The following NTN1 variants were observed in gnomAD, a reference collection of about 807,000 sequenced individuals.
NTN1 encodes netrin 1.
A neutral mutation model predicts 54.2 loss-of-function variants in NTN1; 11 were observed. The observed-to-expected ratio is 0.20, with a 90% CI of 0.13 to 0.34. The LOEUF (loss-of-function observed/expected upper bound fraction) is 0.34. Ranked by LOEUF, NTN1 falls within the 10% of genes least tolerant of loss-of-function variation. NTN1 has a pLI of 1.00. For missense variants in NTN1, 740 were observed against 893.1 expected, an observed-to-expected ratio of 0.83 and a Z score of 2.18; for synonymous variants, 371 against 382.0, an observed-to-expected ratio of 0.97 and a Z score of 0.33.
At chr17:9,236,731 T>C (rs570063144) in intron 6 of NTN1, among the ~76,000 whole-genome samples, 1 of 152,308 alleles carries the variant, frequency 6.6e-6, no homozygotes, top group East Asian at 1.9e-4. Context: ...GGCAGCAAGG[T>C]GTCCAGAGGA....
chr17:9,074,855 C>A (rs1245567031), intron 2 of NTN1, among the ~76,000 whole-genome samples: 4 of 152,194 alleles, frequency 2.6e-5, no homozygotes, highest in Non-Finnish European at 5.9e-5. Context: ...GGGCAATTCT[C>A]AAAGGCAAGT....
rs1350513968 is a variant in NTN1 at position 9,063,781 on chromosome 17, C to A, written c.1018+40390C>A. On this transcript the variant is annotated intron_variant, in intron 2 of 6. Coordinates refer to ENST00000173229, the MANE Select transcript of NTN1 (RefSeq NM_004822.3). ...GCCAGGATGGTCTCGATCTCCTGAC[C>A]TCGTGATCCGCCCGCCTCGGCCTCC... is the stretch of plus-strand genomic sequence containing the variant. Among the ~76,000 whole-genome samples, 4 of 152,070 alleles carry A rather than the reference C, an allele frequency of 2.6e-5. No individual in the cohort carries two copies. The South Asian group carries it at 8.3e-4, about 32-fold the overall frequency.
At chr17:9,180,742 A>G (rs2092416570) in intron 4 of NTN1, among the ~76,000 whole-genome samples, 2 of 152,154 alleles carry the variant, frequency 1.3e-5, no homozygotes, top group South Asian at 4.1e-4. Context: ...GAAGGATGAT[A>G]GCAACCCTGA....
chr17:9,083,791 C>T (rs567241492), intron 2 of NTN1, among the ~76,000 whole-genome samples: 9 of 152,322 alleles, frequency 5.9e-5, no homozygotes, highest in South Asian at 2.1e-4. Context: ...GTTCTACCTC[C>T]GGACCTTCAG....
At chr17:9,183,348 T>C (rs951276653) in intron 5 of NTN1, 9 of 516,896 alleles carry the variant, frequency 1.7e-5, no homozygotes, top group Admixed American at 1.4e-4. Flanking sequence ...GAAGGAGGCT[T>C]GGGCACAGGG....
chr17:9,088,622 A>C (rs779002738), intron 2 of NTN1, among the ~76,000 whole-genome samples: 1 of 152,160 alleles, frequency 6.6e-6, no homozygotes, highest in Non-Finnish European at 1.5e-5. Flanking sequence ...CTGAGACCCC[A>C]GGGCAGACCC....
At chr17:9,216,956 C>A (rs1174266370) in intron 5 of NTN1, among the ~76,000 whole-genome samples, 2 of 151,746 alleles carry the variant, frequency 1.3e-5, no homozygotes, top group East Asian at 3.9e-4. Flanking sequence ...GCAGGAGAAT[C>A]GCTTGAACCC....
At chr17:9,195,071 C>T (rs1328585519) in intron 5 of NTN1, among the ~76,000 whole-genome samples, 2 of 151,944 alleles carry the variant, frequency 1.3e-5, no homozygotes, top group Admixed American at 6.6e-5. Context: ...TCCTCATTCC[C>T]TCATTTTCCC....
chr17:9,103,795 C>A (rs985023625), intron 2 of NTN1, among the ~76,000 whole-genome samples: 8 of 151,838 alleles, frequency 5.3e-5, no homozygotes, highest in African/African-American at 1.9e-4. Flanking sequence ...CACAAAAGAA[C>A]AAGTACTAGG....
intron 5 of NTN1, among the ~76,000 whole-genome samples, chr17:9,204,266 TTCTC>T (rs1306474714): frequency 6.9e-6 from 1 of 144,422 alleles, no homozygotes; most frequent in African/African-American, 2.7e-5. Context: ...CTCTCTCTCC[TTCTC>T]TCTCTCTTTC....
chr17:9,005,941 G>A, the NTN1 span, among the ~76,000 whole-genome samples: 1 of 152,212 alleles, frequency 6.6e-6, no homozygotes, highest in Admixed American at 6.5e-5. Context: ...CAGTACAAAT[G>A]TGCCCAGAGG....
chr17:9,022,206 G>A, intron 1 of NTN1, 105 bp from the exon 2 acceptor site: 3 of 747,240 alleles, frequency 4.0e-6, no homozygotes, highest in Admixed American at 4.4e-5. Flanking sequence ...CTGCGGGGTG[G>A]GTGCCCAGGA....
chr17:9,010,818 C>T, the NTN1 span, among the ~76,000 whole-genome samples: 8 of 152,124 alleles, frequency 5.3e-5, no homozygotes, highest in South Asian at 2.1e-4. Flanking sequence ...TTTCCATGGG[C>T]GTGGGGGTAG....
At chr17:9,037,362 C>T (rs964915648) in intron 2 of NTN1, among the ~76,000 whole-genome samples, 2 of 152,182 alleles carry the variant, frequency 1.3e-5, no homozygotes, top group Non-Finnish European at 2.9e-5. Context: ...GTCTGCTGAC[C>T]TTTGCTCATG....
chr17:9,158,019 G>A (rs898836641), intron 2 of NTN1, among the ~76,000 whole-genome samples: 24 of 152,354 alleles, frequency 1.6e-4, no homozygotes, highest in African/African-American at 5.8e-4. Flanking sequence ...GGATCCAGAT[G>A]TGAGCTGCTT....
chr17:9,107,659 C>T (rs931534700), intron 2 of NTN1, among the ~76,000 whole-genome samples: 2 of 152,160 alleles, frequency 1.3e-5, no homozygotes, highest in Non-Finnish European at 2.9e-5. Context: ...TGGTGGTCGG[C>T]AAACCATGGT....
At position 9,191,085 on chromosome 17, in the gene NTN1, A is replaced by G. The variant is rs2142327569; in HGVS notation, c.1411+8116A>G. ...ATGTTCTAGAATAAAATATATATGA[A>G]TATCAATGTAATATTGATGTGAGGA... On this transcript the variant is annotated intron_variant, in intron 5 of 6. Coordinates refer to ENST00000173229, the MANE Select transcript of NTN1 (RefSeq NM_004822.3). Among the ~76,000 whole-genome samples, 2 of 152,366 alleles carry G rather than the reference A, an allele frequency of 1.3e-5. 1 individual carries two copies. Among genetic ancestry groups the G allele is most frequent in the South Asian group, 4.1e-4 (2 of 4,830 alleles).
chr17:9,022,416 G>C lies in NTN1; in HGVS notation c.43G>C (p.Val15Leu). 2 of 1,344,970 alleles carry C rather than the reference G, an allele frequency of 1.5e-6. No individual in the cohort carries two copies. Among genetic ancestry groups the C allele is most frequent in the Non-Finnish European group, 1.9e-6 (2 of 1,059,112 alleles). 83.3% of individuals were successfully genotyped at this position (1,344,970 alleles called of 1,614,324 possible). Residue 15 changes from valine (V) to leucine (L), a missense_variant, in exon 2 of 7, where the codon GTG (valine) becomes CTG (leucine). Physicochemically the swap from Val to Leu is conservative, Grantham distance 32. Coordinates refer to ENST00000173229, the MANE Select transcript of NTN1 (RefSeq NM_004822.3). ...GGAGGCGCTGGCGGCGCTGGCGGCG[G>C]TGGCGTGCCTGGTGGGCGCGGTGCG... is the stretch of plus-strand genomic sequence containing the variant. Reference protein sequence around the residue: ...VWEALAALAAVACLVGAVRGG... With the variant: ...VWEALAALAALACLVGAVRGG...
rs1019062411 is a variant in NTN1, at chr17:9,239,728, G to A, written c.1575G>A (p.Thr525=). The A allele has an allele frequency of 1.2e-6, 2 of 1,613,640 alleles. No homozygotes were observed. The highest frequency in any genetic ancestry group is 1.3e-5 in the African/African-American group (1 of 75,044). ...VNIISVYKQG[T]SRIRRGDQSL... Reference sequence around the variant, plus strand: ...TCATCTCCGTGTATAAGCAGGGCACGAGCCGCATCCGCCGCGGTGACCAGA... The same window carrying A: ...TCATCTCCGTGTATAAGCAGGGCACAAGCCGCATCCGCCGCGGTGACCAGA... Residue 525 remains threonine (T), a synonymous_variant, in exon 7 of 7, where the codon ACG becomes ACA. Coordinates refer to ENST00000173229, the MANE Select transcript of NTN1 (RefSeq NM_004822.3). The surrounding 1 kb of genome is among the most constrained non-coding windows in gnomAD (Gnocchi z 5.2).
Sources: gnomAD v4.1 joint callset for allele counts (sites outside exome capture counted in the v4.1 genomes callset) on GRCh38, gnomAD v4.1.1 for gene constraint, Gnocchi (gnomAD v3.1) non-coding constraint, MANE v1.5 for transcripts, NCBI Gene and HGNC (gene_info 2026-07-23, HGNC 2026-07-21) for gene names.